The following HMGCLL1 variants were observed in gnomAD, a reference collection of about 807,000 sequenced individuals.
HMGCLL1 encodes the protein 3-hydroxy-3-methylglutaryl-CoA lyase like 1.
A neutral mutation model predicts 39.1 loss-of-function variants in HMGCLL1; 36 were observed. The observed-to-expected ratio is 0.92, with a 90% CI of 0.71 to 1.22. HMGCLL1 has a LOEUF of 1.22. HMGCLL1 is among the 50% of genes most tolerant of loss of function. The probability of loss-of-function intolerance (pLI) is 0.00; values close to 1 mark genes in which losing one functional copy is unlikely to be tolerated. For missense variants in HMGCLL1, 451 were observed against 416.5 expected (o/e 1.08, Z -0.72); for synonymous variants, 149 against 144.0 (o/e 1.03, Z -0.25).
chr6:55,608,950 G>A, the HMGCLL1 span, among the ~76,000 whole-genome samples: 7 of 152,324 alleles, frequency 4.6e-5, no homozygotes, highest in South Asian at 2.1e-4. Context: ...AAGGTGGTGC[G>A]TGAGCCACAC....
intron 1 of HMGCLL1, among the ~76,000 whole-genome samples, chr6:55,575,773 A>C (rs1300491285): frequency 2.6e-5 from 4 of 152,154 alleles, no homozygotes; most frequent in African/African-American, 9.6e-5. Flanking sequence ...AGGTGAGAGA[A>C]AAACAGTAAT....
chr6:55,477,171 T>A, intron 7 of HMGCLL1, among the ~76,000 whole-genome samples: 1 of 43,720 alleles, frequency 2.3e-5, no homozygotes, highest in Non-Finnish European at 3.7e-5. Flanking sequence ...TATAATATAA[T>A]ATATATTATA....
chr6:55,594,955 T>C, the HMGCLL1 span, among the ~76,000 whole-genome samples: 21 of 152,352 alleles, frequency 1.4e-4, no homozygotes, highest in Admixed American at 6.5e-4. Context: ...TAAAAAAATA[T>C]ATTGTGCAGT....
chr6:55,577,503 T>G (rs1349454005), intron 1 of HMGCLL1, among the ~76,000 whole-genome samples: 8 of 152,166 alleles, frequency 5.3e-5, no homozygotes, highest in Non-Finnish European at 7.3e-5. Context: ...CCCCAGAATT[T>G]TATTTCTCGG....
In HMGCLL1 at chr6:55,572,200, G is replaced by C. The variant is rs1581964800; in HGVS notation, c.108+6748C>G. Reference sequence around the variant, plus strand: ...ATAGAGAGAGAAAGAGAAAGAGAATGTACCCATATCAGAAAGAGGCAATGC... The same window carrying C: ...ATAGAGAGAGAAAGAGAAAGAGAATCTACCCATATCAGAAAGAGGCAATGC... On this transcript the variant is annotated intron_variant, in intron 1 of 8. Transcript: ENST00000274901. Among the ~76,000 whole-genome samples, 5 of 151,700 alleles carry C rather than the reference G, an allele frequency of 3.3e-5. No homozygotes were observed. The East Asian group carries it at 7.8e-4, about 24-fold the overall frequency.
chr6:55,555,494 C>T (rs1770605567), intron 1 of HMGCLL1, among the ~76,000 whole-genome samples: 1 of 152,132 alleles, frequency 6.6e-6, no homozygotes, highest in South Asian at 2.1e-4. Context: ...ACTAAGAGCC[C>T]TTTGAGGGCG....
the HMGCLL1 span, among the ~76,000 whole-genome samples, chr6:55,595,854 G>T: frequency 4.6e-4 from 70 of 152,230 alleles, no homozygotes; most frequent in South Asian, 8.3e-4. Context: ...CCAAACTGAC[G>T]TTAAACGCTG....
chr6:55,627,502 G>C, the HMGCLL1 span, among the ~76,000 whole-genome samples: 18 of 151,930 alleles, frequency 1.2e-4, no homozygotes, highest in Non-Finnish European at 2.2e-4. Context: ...GGGTGGACTT[G>C]TGATGGTTAA....
At chr6:55,516,219 CTTAT>C (rs1385561085) in intron 4 of HMGCLL1, among the ~76,000 whole-genome samples, 3 of 152,090 alleles carry the variant, frequency 2.0e-5, no homozygotes, top group African/African-American at 4.8e-5. Context: ...TTCTATATTA[CTTAT>C]TTAAGAAGAA....
At chr6:55,611,467 G>A in the HMGCLL1 span, among the ~76,000 whole-genome samples, 2 of 152,074 alleles carry the variant, frequency 1.3e-5, no homozygotes, top group Non-Finnish European at 2.9e-5. Context: ...CATTTTATGA[G>A]GCCAGCGTTA....
At position 55,477,235 on chromosome 6, in the gene HMGCLL1, T is replaced by TAA. The variant is rs1561904340; in HGVS notation, c.795+18183_795+18184insTT. ...ATTATATTATAATATATAATATATA[T>TAA]TATATTTATATAATATATAATATAT... On this transcript the variant is annotated intron_variant, in intron 7 of 8. Transcript: ENST00000274901. Among the ~76,000 whole-genome samples the TAA allele has an allele frequency of 8.5e-4, 12 of 14,116 alleles. 1 individual carries two copies. Among genetic ancestry groups the TAA allele is most frequent in the African/African-American group, 6.0e-3 (11 of 1,832 alleles). The allele number at this position is 14,116 out of a possible 152,430, so 9.3% of individuals were successfully genotyped here.
chr6:55,526,404 C>T (rs9464262), intron 3 of HMGCLL1, among the ~76,000 whole-genome samples: 1,885 of 152,022 alleles, frequency 0.012, 29 homozygotes, highest in African/African-American at 0.043. Context: ...TCCTAACTTG[C>T]TTTGTATTAT....
chr6:55,602,417 C>G, the HMGCLL1 span, among the ~76,000 whole-genome samples: 1 of 152,024 alleles, frequency 6.6e-6, no homozygotes, highest in African/African-American at 2.4e-5. Context: ...TCCCGCATTT[C>G]ATACATTCTC....
At chr6:55,489,555 G>GA (rs1483590942) in intron 7 of HMGCLL1, among the ~76,000 whole-genome samples, 8 of 151,668 alleles carry the variant, frequency 5.3e-5, no homozygotes, top group African/African-American at 1.7e-4. Context: ...ATAGCAGCAA[G>GA]AAAAAATCAT....
intron 3 of HMGCLL1, among the ~76,000 whole-genome samples, chr6:55,535,896 C>T (rs1387535657): frequency 6.6e-6 from 1 of 152,192 alleles, no homozygotes; most frequent in Non-Finnish European, 1.5e-5. Flanking sequence ...CTCACATACA[C>T]CTCGTCAAAA....
chr6:55,651,216 G>T, the HMGCLL1 span, among the ~76,000 whole-genome samples: 1 of 152,246 alleles, frequency 6.6e-6, no homozygotes, highest in East Asian at 1.9e-4. Flanking sequence ...TTCACTGGCG[G>T]TAATTCAGAA....
chr6:55,434,446 T>G lies in HMGCLL1; in HGVS notation c.*1216A>C, dbSNP rs1376833818. 6.6e-6 allele frequency: 1 copy of G among 152,088 alleles called. No homozygotes were observed. Among genetic ancestry groups the G allele is most frequent in the Non-Finnish European group, 1.5e-5 (1 of 68,004 alleles). 9.4% of individuals were successfully genotyped at this position (152,088 alleles called of 1,614,324 possible). A position where few individuals can be genotyped will look rare whatever the true frequency, so the allele number is the denominator to read the frequency against. On this transcript the variant is annotated 3_prime_UTR_variant, in exon 9 of 9. Transcript: ENST00000274901. ...CTAGAAAGTTCACAATACTCATTTT[T>G]ATGTTTCAATTTATATTCAAATTTA...
At chr6:55,528,816 C>T (rs954282198) in intron 3 of HMGCLL1, among the ~76,000 whole-genome samples, 2 of 151,874 alleles carry the variant, frequency 1.3e-5, no homozygotes, top group Admixed American at 1.3e-4. Flanking sequence ...CTGTACTGCC[C>T]TCTATGGGGT....
the HMGCLL1 span, among the ~76,000 whole-genome samples, chr6:55,623,082 A>G: frequency 2.0e-5 from 3 of 151,996 alleles, no homozygotes; most frequent in African/African-American, 7.2e-5. Flanking sequence ...GATTCTTTGA[A>G]TTTCTATCAG....
Sources: gnomAD v4.1 joint callset for allele counts (sites outside exome capture counted in the v4.1 genomes callset) on GRCh38, gnomAD v4.1.1 for gene constraint, MANE v1.5 for transcripts, NCBI Gene and HGNC (gene_info 2026-07-23, HGNC 2026-07-21) for gene names.